The following DSCC1 variants were observed in gnomAD, a reference collection of about 807,000 sequenced individuals.
DSCC1 encodes DNA replication and sister chromatid cohesion 1.
Under a neutral mutation model 48.2 loss-of-function variants are expected in DSCC1, and 32 were observed. The ratio of observed to expected loss-of-function variants is 0.66; its 90% CI spans 0.50 to 0.89. DSCC1 has a LOEUF of 0.89. DSCC1 is among the 40% of genes least tolerant of loss of function. The pLI, the probability that DSCC1 is intolerant of heterozygous loss-of-function variation, is 0.00. For missense variants in DSCC1, 421 were observed against 471.7 expected, an observed-to-expected ratio of 0.89 and a Z score of 1.00; for synonymous variants, 150 against 171.5, an observed-to-expected ratio of 0.87 and a Z score of 0.98.
intron 5 of DSCC1, among the ~76,000 whole-genome samples, chr8:119,843,306 T>G (rs1037679008): frequency 4.6e-5 from 7 of 152,024 alleles, no homozygotes; most frequent in Admixed American, 2.0e-4. Flanking sequence ...GCCAGGACAG[T>G]CTTGATCTCC....
chr8:119,851,389 A>T (rs773599591), intron 2 of DSCC1, among the ~76,000 whole-genome samples: 1 of 152,226 alleles, frequency 6.6e-6, no homozygotes, highest in Non-Finnish European at 1.5e-5. Context: ...GATTTTATCC[A>T]TAGTTAAAAG....
chr8:119,845,337 T>G (rs1480623892), intron 4 of DSCC1, among the ~76,000 whole-genome samples: 2 of 151,924 alleles, frequency 1.3e-5, no homozygotes, highest in Non-Finnish European at 2.9e-5. Flanking sequence ...CCACTTGCCT[T>G]GGCCTGCAAA....
Position 119,834,890 on chromosome 8 carries a change from C to CT in DSCC1, c.*2dup, listed in dbSNP as rs1482484544. 2 of 1,576,108 alleles carry CT rather than the reference C, an allele frequency of 1.3e-6. No individual in the cohort carries two copies. Among genetic ancestry groups the CT allele is most frequent in the South Asian group, 1.1e-5 (1 of 88,380 alleles). ...GAGTCCTGAAGAAAAGACCGTTGTT[C>CT]TTTTAAGAAATGGGTCTTCTCGAAT... On this transcript the variant is annotated 3_prime_UTR_variant, in exon 9 of 9. Coordinates refer to ENST00000313655, the MANE Select transcript of DSCC1 (RefSeq NM_024094.3).
At chr8:119,846,822 G>A (rs571543058) in intron 4 of DSCC1, among the ~76,000 whole-genome samples, 168 bp downstream of exon 4, 180 of 152,352 alleles carry the variant, frequency 1.2e-3, no homozygotes, top group African/African-American at 3.8e-3. Flanking sequence ...GCTTCCCAAA[G>A]TGCTGGGATT....
chr8:119,834,929 A>G lies in DSCC1; in HGVS notation c.1146T>C (p.Gly382=). 6.2e-7 allele frequency: 1 copy of G among 1,610,726 alleles called. No homozygotes were observed. Among genetic ancestry groups the G allele is most frequent in the South Asian group, 1.1e-5 (1 of 90,466 alleles). ...TKYSHSSMQN[G]VKVYNSRRPI... is the part of the protein sequence containing the mutation. ...GTCTTCTCGAATTATAAACTTTAAC[A>G]CCATTTTGCATCGAAGAATGAGAAT... is the stretch of plus-strand genomic sequence containing the variant. Residue 382 remains glycine (G), a synonymous_variant, in exon 9 of 9, where the codon GGT becomes GGC. Coordinates refer to ENST00000313655, the MANE Select transcript of DSCC1 (RefSeq NM_024094.3).
At chr8:119,849,275 A>G (rs4871660) in intron 3 of DSCC1, among the ~76,000 whole-genome samples, 63,045 of 148,286 alleles carry the variant, frequency 0.43, 13,290 homozygotes, top group South Asian at 0.58. Context: ...GCATGGTGGC[A>G]TGCACCTGTA....
At chr8:119,854,174 G>A (rs1057406696) in intron 1 of DSCC1, among the ~76,000 whole-genome samples, 29 of 152,140 alleles carry the variant, frequency 1.9e-4, no homozygotes, top group African/African-American at 5.6e-4. Context: ...AGCCGTGATT[G>A]TGCCACTGCA....
intron 1 of DSCC1, 126 bp downstream of exon 1, chr8:119,855,488 A>G: frequency 7.6e-7 from 1 of 1,313,980 alleles, no homozygotes; most frequent in East Asian, 2.9e-5. Flanking sequence ...GGGAACAGGC[A>G]GCTTGCTATG....
At chr8:119,839,915 T>TCACGGATCAGACCAGTCAGA (rs767671222) in intron 7 of DSCC1, 11 of 152,254 alleles carry the variant, frequency 7.2e-5, no homozygotes, top group Non-Finnish European at 1.0e-4. Flanking sequence ...GATTGACCAG[T>TCACGGATCAGACCAGTCAGA]CTGATGGCTA....
chr8:119,842,703 C>T, intron 6 of DSCC1, 73 bp downstream of exon 6: 1 of 1,403,250 alleles, frequency 7.1e-7, no homozygotes, highest in Non-Finnish European at 1.0e-6. Context: ...TTATTTTTAA[C>T]ACCGACAGGC....
Position 119,834,871 on chromosome 8 carries a change from TGAA to T in DSCC1, c.*19_*21del. On this transcript the variant is annotated 3_prime_UTR_variant, in exon 9 of 9. Transcript: ENST00000313655. The stretch of plus-strand genomic sequence containing the variant: ...CAACTTTATAAAGCAACTTGAGTCC[TGAA>T]GAAAAGACCGTTGTTCTTTTAAGAA... The T allele has an allele frequency of 6.7e-7, 1 of 1,502,784 alleles. No homozygotes were observed. Among genetic ancestry groups the T allele is most frequent in the Non-Finnish European group, 9.2e-7 (1 of 1,084,832 alleles). The allele number at this position is 1,502,784 out of a possible 1,614,324, so 93.1% of individuals were successfully genotyped here. A position where few individuals can be genotyped will look rare whatever the true frequency, so the allele number is the denominator to read the frequency against.
Position 119,855,705 on chromosome 8 carries a change from A to T in DSCC1, c.91T>A (p.Phe31Ile). The T allele has an allele frequency of 6.4e-7, 1 of 1,564,478 alleles. No individual in the cohort carries two copies. Among genetic ancestry groups the T allele is most frequent in the South Asian group, 1.2e-5 (1 of 85,476 alleles). Residue 31 changes from phenylalanine (F) to isoleucine (I), a missense_variant, in exon 1 of 9, where the codon TTC (phenylalanine) becomes ATC (isoleucine). This residue lies in a region of DSCC1 where 174 missense variants were observed against 184.5 expected (regional missense o/e 0.94). Coordinates refer to ENST00000313655, the MANE Select transcript of DSCC1 (RefSeq NM_024094.3). ...GCAGCGCCGCTGGCCCCAGGGCCGA[A>T]GCCCAGGCAGTGCACCGCCGGCAGC... Reference protein sequence around the residue: ...ELLPAVHCLGFGPGASGAAAG... With the variant: ...ELLPAVHCLGIGPGASGAAAG...
At chr8:119,836,171 G>A (rs1586574099) in intron 8 of DSCC1, among the ~76,000 whole-genome samples, 1 of 152,164 alleles carries the variant, frequency 6.6e-6, no homozygotes, top group Non-Finnish European at 1.5e-5. Flanking sequence ...GAATTAGCTG[G>A]GCATGGTGGT....
At chr8:119,841,334 A>C (rs933754217) in intron 7 of DSCC1, among the ~76,000 whole-genome samples, 1 of 152,104 alleles carries the variant, frequency 6.6e-6, no homozygotes. Flanking sequence ...CGTCACAGAG[A>C]ATGGATTGGA....
At chr8:119,850,273 C>A (rs1826925924) in intron 3 of DSCC1, 109 bp downstream of exon 3, 1 of 1,126,700 alleles carries the variant, frequency 8.9e-7, no homozygotes, top group Non-Finnish European at 1.2e-6. Flanking sequence ...TTAACACAAG[C>A]ATTTATAACA....
At chr8:119,836,822 C>T (rs1288851991) in intron 8 of DSCC1, among the ~76,000 whole-genome samples, 2 of 151,918 alleles carry the variant, frequency 1.3e-5, no homozygotes, top group Non-Finnish European at 2.9e-5. Flanking sequence ...AAAAATAGAC[C>T]TGGAGCACTC....
In DSCC1 at chr8:119,847,006, A is replaced by G. The variant is rs768078662; in HGVS notation, c.561T>C (p.Asn187=). ...EEIMTQLQVL[N]ACKIGGYWRI... ...TAACGCTACCTCCAATCTTACAGGC[A>G]TTTAGAACTTGTAATTGGGTCATTA... is the stretch of plus-strand genomic sequence containing the variant. The change falls in exon 4 of 9, where the codon AAT becomes AAC. Residue 187 remains asparagine, a synonymous_variant. Transcript: ENST00000313655. The G allele has an allele frequency of 1.9e-6, 3 of 1,613,730 alleles. No individual in the cohort carries two copies. In the African/African-American group the frequency reaches 4.0e-5, roughly 22 times the overall value.
chr8:119,840,685 G>A (rs1028581291), intron 7 of DSCC1, among the ~76,000 whole-genome samples: 2 of 152,084 alleles, frequency 1.3e-5, no homozygotes, highest in Non-Finnish European at 2.9e-5. Flanking sequence ...GCCAAGGTGG[G>A]CAGATCACCT....
chr8:119,835,044 A>G (rs777107679), intron 8 of DSCC1, 43 bp from the exon 9 acceptor site: 1 of 1,309,286 alleles, frequency 7.6e-7, no homozygotes, highest in African/African-American at 1.5e-5. Context: ...TATTTTAGGG[A>G]ACATATTATG....
Sources: allele counts gnomAD v4.1 joint callset (sites outside exome capture counted in the v4.1 genomes callset), GRCh38; gene constraint gnomAD v4.1.1; regional missense constraint gnomAD v4.1.1; transcripts MANE v1.5; gene names NCBI Gene and HGNC (gene_info 2026-07-23, HGNC 2026-07-21).